Variants in CDK12 observed in about 807,000 individuals in gnomAD.
The protein encoded by CDK12 is cyclin dependent kinase 12, also known as cyclin-dependent kinase 12.
In CDK12, 17 loss-of-function variants were observed where a neutral mutation model predicts 133.8. That is an observed-to-expected ratio of 0.13 (90% CI 0.09 to 0.19). The LOEUF (loss-of-function observed/expected upper bound fraction) is 0.19. Among genes scored for constraint, CDK12 ranks in the 10% least tolerant of loss-of-function variants. CDK12 has a pLI of 1.00. For missense variants in CDK12, 1,508 were observed against 1,818.7 expected (o/e 0.83, Z 3.11); for synonymous variants, 694 against 683.6 (o/e 1.02, Z -0.24).
chr17:39,509,557 A>G, intron 6 of CDK12, 148 bp from the exon 7 acceptor site: 2 of 608,754 alleles, frequency 3.3e-6, no homozygotes, highest in Non-Finnish European at 5.9e-6. Context: ...AATTTTTTAA[A>G]AAGAAAGAGA....
At position 39,509,434 on chromosome 17, in the gene CDK12, GT is replaced by G. The variant is rs1027099639; in HGVS notation, c.2610-262del. ...GTCAAATTCAGAAAATGTAATAATA[GT>G]TTTTTTTTGTTTTTTAAGTGTAAGG... On this transcript the variant is annotated intron_variant, in intron 6 of 13. Transcript: ENST00000447079. Among the ~76,000 whole-genome samples the G allele has an allele frequency of 2.5e-4, 38 of 151,470 alleles. 1 individual carries two copies. The highest frequency in any genetic ancestry group is 1.5e-4 in the Non-Finnish European group (10 of 67,866).
chr17:39,526,188 C>T lies in CDK12; in HGVS notation c.3632C>T (p.Ala1211Val), dbSNP rs978093091. ...STPADMQNILAVLLSQLMKTQ... is the reference protein window; with the variant it reads ...STPADMQNILVVLLSQLMKTQ... Reference sequence around the variant, plus strand: ...CCAGCTGACATGCAGAATATATTGGCAGTTCTCTTGAGTCAGCTGATGAAA... The same window carrying T: ...CCAGCTGACATGCAGAATATATTGGTAGTTCTCTTGAGTCAGCTGATGAAA... The change falls in exon 13 of 14, where the codon GCA becomes GTA. Residue 1211 changes from alanine to valine, a missense_variant. Transcript: ENST00000447079. The T allele has an allele frequency of 6.2e-7, 1 of 1,614,052 alleles. No homozygotes were observed. Among genetic ancestry groups the T allele is most frequent in the African/African-American group, 1.3e-5 (1 of 74,918 alleles).
In CDK12 at chr17:39,490,634, C is replaced by T. The variant is rs2051516371; in HGVS notation, c.2009C>T (p.Pro670Leu). 6.2e-7 allele frequency: 1 copy of T among 1,613,498 alleles called. No individual in the cohort carries two copies. The highest frequency in any genetic ancestry group is 1.3e-5 in the African/African-American group (1 of 74,910). ...QRTRHLLTDL[P>L]LPPELPGGDL... is the part of the protein sequence containing the mutation. The stretch of plus-strand genomic sequence containing the variant: ...ACACGTCACTTACTCACAGACCTTC[C>T]TCTCCCTCCAGAGCTCCCTGGTGGA... The change falls in exon 3 of 14, where the codon CCT (proline) becomes CTT (leucine). Residue 670 changes from proline to leucine, a missense_variant. Coordinates refer to ENST00000447079, the MANE Select transcript of CDK12 (RefSeq NM_016507.4).
In CDK12 at chr17:39,462,757, A is replaced by G. The variant is rs749485219; in HGVS notation, c.686A>G (p.Asp229Gly). 3.1e-6 allele frequency: 5 copies of G among 1,614,170 alleles called. No individual in the cohort carries two copies. Among genetic ancestry groups the G allele is most frequent in the South Asian group, 1.1e-5 (1 of 91,088 alleles). Residue 229 changes from aspartate to glycine, a missense_variant, in exon 1 of 14, where the codon GAC (aspartate) becomes GGC (glycine). Physicochemically the swap from Asp to Gly is moderately conservative, Grantham distance 94. Around this residue, in one of 9 missense-constraint regions of CDK12, gnomAD observed 460 missense variants for 490.8 expected, o/e 0.94. Transcript: ENST00000447079. ...RSRSPHRKWS[D>G]SSKQDDSPSG... The stretch of plus-strand genomic sequence containing the variant: ...AGGAGCCCCCACAGGAAGTGGTCTG[A>G]CAGCTCCAAACAAGATGATAGCCCC...
chr17:39,471,433 C>G lies in CDK12; in HGVS notation c.1601C>G (p.Ser534Cys). 1 of 1,613,138 alleles carries G rather than the reference C, an allele frequency of 6.2e-7. No individual in the cohort carries two copies. The highest frequency in any genetic ancestry group is 8.5e-7 in the Non-Finnish European group (1 of 1,179,276). ...CCTCCACCTCTTCCCACAATTGCTT[C>G]TCCCCCACCCCCTCTACCAACTACT... is the stretch of plus-strand genomic sequence containing the variant. ...ETPPPLPTIASPPPPLPTTTP... is the reference protein window; with the variant it reads ...ETPPPLPTIACPPPPLPTTTP... Residue 534 changes from serine (S) to cysteine (C), a missense_variant, in exon 2 of 14, where the codon TCT becomes TGT. By Grantham distance (112) the Ser-to-Cys change is moderately radical. Coordinates refer to ENST00000447079, the MANE Select transcript of CDK12 (RefSeq NM_016507.4).
rs1296214870 is a variant in CDK12, at chr17:39,542,517, C to CT, written c.451-1723dup. On this transcript the variant is annotated intron_variant and NMD_transcript_variant, in intron 1 of 4. Coordinates refer to the CDK12 transcript ENST00000559663. ...CTTATTTTCTTTTTCTTTTTCTTTT[C>CT]TTTTTTTTTGAAACGGCGTTTCATT... 1.1e-3 allele frequency among the ~76,000 whole-genome samples: 154 copies of CT among 142,470 alleles called. 2 individuals are homozygous for CT. Among genetic ancestry groups the CT allele is most frequent in the Middle Eastern group, 5.0e-3 (1 of 200 alleles). 93.5% of individuals were successfully genotyped at this position (142,470 alleles called of 152,430 possible). A position where few individuals can be genotyped will look rare whatever the true frequency, so the allele number is the denominator to read the frequency against.
intron 13 of CDK12, among the ~76,000 whole-genome samples, chr17:39,526,869 A>G (rs966038289): frequency 2.0e-5 from 3 of 152,242 alleles, no homozygotes; most frequent in Non-Finnish European, 4.4e-5. Flanking sequence ...ATAATAGTGT[A>G]TAAGAACAAT....
chr17:39,469,394 G>C (rs1041430428), intron 1 of CDK12, among the ~76,000 whole-genome samples: 2 of 152,078 alleles, frequency 1.3e-5, no homozygotes, highest in African/African-American at 4.8e-5. Flanking sequence ...AAGTTATTTT[G>C]GTAAATCATT....
At chr17:39,490,926 C>A (rs1329965092) in intron 3 of CDK12, among the ~76,000 whole-genome samples, 193 bp downstream of exon 3, 1 of 152,142 alleles carries the variant, frequency 6.6e-6, no homozygotes, top group Non-Finnish European at 1.5e-5. Context: ...CTCAGATACC[C>A]AGCTATGTTT....
chr17:39,481,672 C>T (rs1567706418), intron 2 of CDK12, among the ~76,000 whole-genome samples: 2 of 12,804 alleles, frequency 1.6e-4, no homozygotes, highest in Non-Finnish European at 2.8e-4. Flanking sequence ...CTCTCTCTCT[C>T]TCTCTCTCTC....
In CDK12 at chr17:39,482,015, C is replaced by CATTT. The variant is rs773073791; in HGVS notation, c.1932-8542_1932-8541insATTT. On this transcript the variant is annotated intron_variant, in intron 2 of 13. Coordinates refer to ENST00000447079, the MANE Select transcript of CDK12 (RefSeq NM_016507.4). ...GATTACAGGCATGAGCCTGGCTTGC[C>CATTT]TTTTTTTTTTTTTTTTAACAGAGTT... 1.0e-3 allele frequency among the ~76,000 whole-genome samples: 98 copies of CATTT among 96,250 alleles called. 4 individuals are homozygous for CATTT. The highest frequency in any genetic ancestry group is 1.7e-3 in the African/African-American group (50 of 30,284). 63.1% of individuals were successfully genotyped at this position (96,250 alleles called of 152,430 possible). A position where few individuals can be genotyped will look rare whatever the true frequency, so the allele number is the denominator to read the frequency against.
chr17:39,461,749 T>C lies in CDK12; in HGVS notation c.-323T>C. 1 of 389,524 alleles carries C rather than the reference T, an allele frequency of 2.6e-6. No homozygotes were observed. Among genetic ancestry groups the C allele is most frequent in the Non-Finnish European group, 4.7e-6 (1 of 212,990 alleles). The allele number at this position is 389,524 out of a possible 1,614,324, so 24.1% of individuals were successfully genotyped here. A position where few individuals can be genotyped will look rare whatever the true frequency, so the allele number is the denominator to read the frequency against. Reference sequence around the variant, plus strand: ...CAGCCCCGGGCCGTCGGCTTCTCACTTCCTGGACCTCCCCGGCGCCCGGGC... The same window carrying C: ...CAGCCCCGGGCCGTCGGCTTCTCACCTCCTGGACCTCCCCGGCGCCCGGGC... On this transcript the variant is annotated 5_prime_UTR_variant, in exon 1 of 14. Transcript: ENST00000447079.
At chr17:39,477,321 C>T (rs896828066) in intron 2 of CDK12, among the ~76,000 whole-genome samples, 1 of 152,220 alleles carries the variant, frequency 6.6e-6, no homozygotes, top group African/African-American at 2.4e-5. Context: ...CCACAACCTC[C>T]ACCTCCTGGG....
chr17:39,525,513 A>G (rs1295195840), intron 12 of CDK12, among the ~76,000 whole-genome samples: 2 of 152,188 alleles, frequency 1.3e-5, no homozygotes, highest in African/African-American at 2.4e-5. Flanking sequence ...ACGATTGCCT[A>G]TCTCTAGGGA....
intron 4 of CDK12, 83 bp from the exon 5 acceptor site, chr17:39,494,441 C>G: frequency 8.6e-7 from 1 of 1,160,372 alleles, no homozygotes; most frequent in Non-Finnish European, 1.3e-6. Flanking sequence ...AGTTTGTCTT[C>G]CAGAGCAAGG....
At chr17:39,529,383 CTG>C (rs1036044861) in intron 13 of CDK12, among the ~76,000 whole-genome samples, 13 of 152,076 alleles carry the variant, frequency 8.5e-5, no homozygotes, top group Non-Finnish European at 1.8e-4. Context: ...TAACTAAAAA[CTG>C]TTTTTGGCTT....
At chr17:39,558,732 C>G (rs941376343) in intron 3 of CDK12, among the ~76,000 whole-genome samples, 1 of 152,166 alleles carries the variant, frequency 6.6e-6, no homozygotes, top group African/African-American at 2.4e-5. Context: ...CAACCTCTGC[C>G]TCCTGGATTC....
Position 39,553,794 on chromosome 17 carries a change from C to T in CDK12, n.357-2492C>T, listed in dbSNP as rs1156401635. 2.6e-5 allele frequency among the ~76,000 whole-genome samples: 4 copies of T among 152,168 alleles called. No individual in the cohort carries two copies. In the East Asian group the frequency reaches 5.8e-4, roughly 22 times the overall value. On this transcript the variant is annotated intron_variant and non_coding_transcript_variant, in intron 2 of 3. Coordinates refer to the CDK12 transcript ENST00000558240. ...CAGCAAGCTCAAGGTTCTGGTGACTCATAGCAGTGGAGGTGGCTCACAAAA... is the reference window on the plus strand; with the variant it reads ...CAGCAAGCTCAAGGTTCTGGTGACTTATAGCAGTGGAGGTGGCTCACAAAA...
rs1399568371 is a variant in CDK12 at position 39,492,948 on chromosome 17, A to G, written c.2248+58A>G. Reference sequence around the variant, plus strand: ...ATGTTAACAATTTAGCAATACTAATATCTTAAGTGGATTTAGCAAAAGTAA... The same window carrying G: ...ATGTTAACAATTTAGCAATACTAATGTCTTAAGTGGATTTAGCAAAAGTAA... On this transcript the variant is annotated intron_variant, in intron 4 of 13. Transcript: ENST00000447079. 4 of 1,399,000 alleles carry G rather than the reference A, an allele frequency of 2.9e-6. No homozygotes were observed. The African/African-American group carries it at 4.4e-5, about 15-fold the overall frequency. The allele number at this position is 1,399,000 out of a possible 1,614,324, so 86.7% of individuals were successfully genotyped here.
Sources: gnomAD v4.1 joint callset for allele counts (sites outside exome capture counted in the v4.1 genomes callset) on GRCh38, gnomAD v4.1.1 for gene constraint, gnomAD v4.1.1 regional missense constraint, MANE v1.5 for transcripts, NCBI Gene and HGNC (gene_info 2026-07-23, HGNC 2026-07-21) for gene names.